Variants in IQGAP2 observed in about 807,000 individuals in gnomAD.
The protein encoded by IQGAP2 is ras GTPase-activating-like protein IQGAP2.
IQGAP2 carries 173 observed loss-of-function variants against 201.3 expected under a neutral mutation model. The ratio of observed to expected loss-of-function variants is 0.86; its 90% CI spans 0.76 to 0.98. The LOEUF (loss-of-function observed/expected upper bound fraction) is 0.98. Among genes scored for constraint, IQGAP2 ranks in the 50% least tolerant of loss-of-function variants. The probability of loss-of-function intolerance (pLI) is 0.00; values close to 1 mark genes in which losing one functional copy is unlikely to be tolerated. For missense variants in IQGAP2, 1,687 were observed against 1,864.8 expected, an observed-to-expected ratio of 0.90 and a Z score of 1.76; for synonymous variants, 675 against 673.9, an observed-to-expected ratio of 1.00 and a Z score of -0.03.
At chr5:76,510,831 G>C in intron 2 of IQGAP2, 1 of 427,196 alleles carries the variant, frequency 2.3e-6, no homozygotes, top group Non-Finnish European at 4.6e-6. Context: ...GCCTCCAGCA[G>C]GCTGGGCCTT....
intron 2 of IQGAP2, among the ~76,000 whole-genome samples, chr5:76,532,890 G>T (rs1759396458): frequency 6.6e-6 from 1 of 152,212 alleles, no homozygotes; most frequent in Non-Finnish European, 1.5e-5. Context: ...TGCCTCTCAT[G>T]TTCCAGGTCC....
intron 25 of IQGAP2, 175 bp downstream of exon 25, chr5:76,673,764 T>C: frequency 1.4e-6 from 1 of 722,500 alleles, no homozygotes; most frequent in East Asian, 2.6e-5. Flanking sequence ...GAAGGGGCAA[T>C]ACTTCAGTAG....
chr5:76,699,237 C>T (rs1747038284), intron 33 of IQGAP2: 1 of 152,178 alleles, frequency 6.6e-6, no homozygotes, highest in East Asian at 1.9e-4. Context: ...CTGTGCCTGG[C>T]CTATTTCACT....
chr5:76,433,332 CT>C (rs1752478420), intron 1 of IQGAP2, among the ~76,000 whole-genome samples: 1 of 152,118 alleles, frequency 6.6e-6, no homozygotes, highest in Non-Finnish European at 1.5e-5. Flanking sequence ...AGATTTAAGT[CT>C]TTGATCCAAG....
At chr5:76,411,995 A>C (rs1751147150) in intron 1 of IQGAP2, among the ~76,000 whole-genome samples, 1 of 152,142 alleles carries the variant, frequency 6.6e-6, no homozygotes, top group Admixed American at 6.5e-5. Context: ...GGACAGTAAG[A>C]ATTGATAGAT....
chr5:76,686,148 A>G (rs1745719800), intron 30 of IQGAP2, among the ~76,000 whole-genome samples: 2 of 152,160 alleles, frequency 1.3e-5, no homozygotes, highest in African/African-American at 2.4e-5. Context: ...CCATTTTAAA[A>G]TTAGGTTGTT....
chr5:76,701,313 A>G, intron 34 of IQGAP2, 100 bp downstream of exon 34: 3 of 1,079,478 alleles, frequency 2.8e-6, no homozygotes, highest in Non-Finnish European at 2.8e-6. Flanking sequence ...AACCTCAATT[A>G]CTGATGGGTG....
At chr5:76,675,742 C>G (rs1476839485) in intron 27 of IQGAP2, among the ~76,000 whole-genome samples, 1 of 152,104 alleles carries the variant, frequency 6.6e-6, no homozygotes, top group Non-Finnish European at 1.5e-5. Flanking sequence ...TACTAGAAAA[C>G]AAAGGTAGTT....
intron 1 of IQGAP2, among the ~76,000 whole-genome samples, chr5:76,424,539 C>T (rs1237015052): frequency 1.3e-5 from 2 of 152,118 alleles, no homozygotes; most frequent in Non-Finnish European, 1.5e-5. Flanking sequence ...ACTCCTAATC[C>T]ACCTGCCTAG....
At chr5:76,573,277 A>G (rs1382294369) in intron 4 of IQGAP2, among the ~76,000 whole-genome samples, 1 of 152,214 alleles carries the variant, frequency 6.6e-6, no homozygotes, top group East Asian at 1.9e-4. Context: ...TTTTATTTTA[A>G]CATTGGTTTT....
chr5:76,643,020 G>GA (rs200022632), intron 17 of IQGAP2, among the ~76,000 whole-genome samples: 9 of 150,620 alleles, frequency 6.0e-5, no homozygotes, highest in East Asian at 3.9e-4. Flanking sequence ...GAGTGAGCCA[G>GA]AAAAAAAAAT....
In IQGAP2 at chr5:76,403,681, G is replaced by T; in HGVS notation, c.46+90G>T. The stretch of plus-strand genomic sequence containing the variant: ...TGGAGAAGCCGAGGGAGCCGGTTGC[G>T]CGGCGCAGAGGAAATTGGAAGGCAG... On this transcript the variant is annotated intron_variant, in intron 1 of 35. Coordinates refer to ENST00000274364, the MANE Select transcript of IQGAP2 (RefSeq NM_006633.5). The surrounding 1 kb of genome is among the most constrained non-coding windows in gnomAD (Gnocchi z 4.8). 1 of 1,160,778 alleles carries T rather than the reference G, an allele frequency of 8.6e-7. No homozygotes were observed. The highest frequency in any genetic ancestry group is 1.2e-6 in the Non-Finnish European group (1 of 865,622). The allele number at this position is 1,160,778 out of a possible 1,614,324, so 71.9% of individuals were successfully genotyped here.
chr5:76,635,383 G>A (rs1221836790), intron 15 of IQGAP2, among the ~76,000 whole-genome samples: 2 of 152,162 alleles, frequency 1.3e-5, no homozygotes, highest in African/African-American at 4.8e-5. Flanking sequence ...ATTGGTGATT[G>A]TCTTTTAACC....
intron 13 of IQGAP2, chr5:76,617,841 A>G (rs147969213): frequency 1.0e-4 from 168 of 1,613,926 alleles, no homozygotes; most frequent in Admixed American, 1.5e-4. Flanking sequence ...GTATGCATTA[A>G]GTGTCCGGAT....
At chr5:76,496,726 T>TTCC (rs1756937801) in intron 2 of IQGAP2, among the ~76,000 whole-genome samples, 8 of 24,248 alleles carry the variant, frequency 3.3e-4, no homozygotes, top group Non-Finnish European at 5.1e-4. Context: ...CTTTCTTTCT[T>TTCC]TTCTTTCTTT....
chr5:76,642,770 G>A (rs1197295955), intron 17 of IQGAP2, among the ~76,000 whole-genome samples: 1 of 152,110 alleles, frequency 6.6e-6, no homozygotes, highest in Admixed American at 6.6e-5. Flanking sequence ...AAATACAAAG[G>A]CAAAACTCCT....
chr5:76,700,704 A>T (rs940992184), intron 33 of IQGAP2, among the ~76,000 whole-genome samples: 1 of 152,234 alleles, frequency 6.6e-6, no homozygotes, highest in South Asian at 2.1e-4. Context: ...TAAATAGATT[A>T]AAACAGTCCT....
intron 22 of IQGAP2, among the ~76,000 whole-genome samples, chr5:76,668,071 C>T (rs948730440): frequency 6.6e-4 from 100 of 151,868 alleles, no homozygotes; most frequent in African/African-American, 2.1e-3. Flanking sequence ...TTTCTAGAGA[C>T]AGGGTCTGTC....
At position 76,587,925 on chromosome 5, in the gene IQGAP2, G is replaced by A. The variant is rs561607216; in HGVS notation, c.459-981G>A. Among the ~76,000 whole-genome samples the A allele has an allele frequency of 1.3e-3, 193 of 144,118 alleles. 1 individual carries two copies. Among genetic ancestry groups the A allele is most frequent in the African/African-American group, 4.8e-3 (186 of 38,762 alleles). The allele number at this position is 144,118 out of a possible 152,430, so 94.5% of individuals were successfully genotyped here. Reference sequence around the variant, plus strand: ...CACGCCATTGCACTCCAGCCTGGGCGACAGAGCAAGACTCTGTCTCAACCA... The same window carrying A: ...CACGCCATTGCACTCCAGCCTGGGCAACAGAGCAAGACTCTGTCTCAACCA... On this transcript the variant is annotated intron_variant, in intron 5 of 35. Transcript: ENST00000274364.
Sources: gnomAD v4.1 joint callset for allele counts (sites outside exome capture counted in the v4.1 genomes callset) on GRCh38, gnomAD v4.1.1 for gene constraint, Gnocchi (gnomAD v3.1) non-coding constraint, MANE v1.5 for transcripts, NCBI Gene and HGNC (gene_info 2026-07-23, HGNC 2026-07-21) for gene names.